Variants in ACTR3C observed in about 807,000 individuals in gnomAD.
ACTR3C encodes actin related protein 3C.
ACTR3C carries 18 observed loss-of-function variants against 26.3 expected under a neutral mutation model. The ratio of observed to expected loss-of-function variants is 0.68; its 90% CI spans 0.47 to 1.01. The LOEUF (loss-of-function observed/expected upper bound fraction) is 1.01, where lower values mean the gene tolerates loss of function less well. Among genes scored for constraint, ACTR3C ranks in the 50% least tolerant of loss-of-function variants. The pLI, the probability that ACTR3C is intolerant of heterozygous loss-of-function variation, is 0.00. For synonymous variants in ACTR3C, 55 were observed against 94.5 expected, an observed-to-expected ratio of 0.58 and a Z score of 2.42; for missense variants, 184 against 250.7, an observed-to-expected ratio of 0.73 and a Z score of 1.80.
At chr7:150,242,536 T>C (rs1183414534), downstream of ACTR3C, among the ~76,000 whole-genome samples, 1 of 151,890 alleles carries the variant, frequency 6.6e-6, no homozygotes, top group Non-Finnish European at 1.5e-5. Context: ...TAAATTACAC[T>C]ACAATAAAAT....
At chr7:150,003,768 G>C in the ACTR3C span, among the ~76,000 whole-genome samples, 1 of 152,190 alleles carries the variant, frequency 6.6e-6, no homozygotes, top group Admixed American at 6.5e-5. Context: ...GGTGTACAGT[G>C]TCTGTGGGTG....
downstream of ACTR3C, chr7:150,245,897 TC>T (rs1324588471): frequency 3.9e-5 from 6 of 152,334 alleles, no homozygotes; most frequent in East Asian, 1.2e-3. Context: ...GAAGAATGGT[TC>T]AAGTTATTTC....
the ACTR3C span, among the ~76,000 whole-genome samples, chr7:150,103,523 G>A: frequency 0.45 from 68,144 of 151,282 alleles, 15,734 homozygotes; most frequent in East Asian, 0.61. Flanking sequence ...GGAGGACCAC[G>A]CCATGATTTC....
the ACTR3C span, among the ~76,000 whole-genome samples, chr7:150,184,684 A>T: frequency 8.0e-5 from 12 of 150,556 alleles, 2 homozygotes; most frequent in African/African-American, 3.0e-4. Flanking sequence ...CTGAATAACT[A>T]TCATTTAGAA....
chr7:150,139,609 C>T, the ACTR3C span, among the ~76,000 whole-genome samples: 8 of 152,412 alleles, frequency 5.2e-5, no homozygotes, highest in African/African-American at 1.2e-4. Context: ...TTAAAAATAG[C>T]TCAGAGCAAT....
the ACTR3C span, among the ~76,000 whole-genome samples, chr7:150,182,001 A>T: frequency 1.3e-5 from 2 of 150,700 alleles, no homozygotes; most frequent in East Asian, 3.9e-4. Flanking sequence ...TAGAATGGAC[A>T]CAAAAAGGGA....
chr7:150,010,610 C>T, the ACTR3C span, among the ~76,000 whole-genome samples: 1 of 149,852 alleles, frequency 6.7e-6, no homozygotes, highest in East Asian at 2.0e-4. Flanking sequence ...AGGAGAATCG[C>T]TTGAACCTGG....
At chr7:149,963,601 A>G in the ACTR3C span, among the ~76,000 whole-genome samples, 4 of 152,194 alleles carry the variant, frequency 2.6e-5, no homozygotes, top group Non-Finnish European at 4.4e-5. Flanking sequence ...AGAACAACAG[A>G]AACACAGTAT....
chr7:150,039,759 A>C, the ACTR3C span, among the ~76,000 whole-genome samples: 1 of 131,412 alleles, frequency 7.6e-6, no homozygotes, highest in African/African-American at 2.7e-5. Context: ...CCCTCCTGCG[A>C]TGGGGGTCCC....
chr7:150,003,652 T>C, the ACTR3C span, among the ~76,000 whole-genome samples: 1 of 152,066 alleles, frequency 6.6e-6, no homozygotes, highest in African/African-American at 2.4e-5. Context: ...GTGTGGGGTT[T>C]GGAGTGTGTG....
chr7:150,075,752 G>A, the ACTR3C span, among the ~76,000 whole-genome samples: 1 of 152,064 alleles, frequency 6.6e-6, no homozygotes, highest in African/African-American at 2.4e-5. Flanking sequence ...TTTGACCCTG[G>A]CAAATTCCAG....
chr7:150,266,771 G>A (rs982714224), intron 6 of ACTR3C, among the ~76,000 whole-genome samples: 2 of 152,132 alleles, frequency 1.3e-5, no homozygotes, highest in Non-Finnish European at 2.9e-5. Flanking sequence ...GATTCAAATG[G>A]ACATTTCACA....
At chr7:150,051,809 T>A in the ACTR3C span, among the ~76,000 whole-genome samples, 3 of 151,722 alleles carry the variant, frequency 2.0e-5, no homozygotes, top group Non-Finnish European at 4.4e-5. Context: ...TAGTCATTTT[T>A]AAAATGACAA....
the ACTR3C span, among the ~76,000 whole-genome samples, chr7:150,198,035 G>A: frequency 4.6e-5 from 7 of 151,388 alleles, 1 homozygote; most frequent in African/African-American, 1.5e-4. Context: ...TGGTGGAGAC[G>A]GGGTTTCGCT....
the ACTR3C span, among the ~76,000 whole-genome samples, chr7:149,995,135 A>G: frequency 2.6e-5 from 4 of 152,246 alleles, no homozygotes; most frequent in Non-Finnish European, 5.9e-5. Flanking sequence ...GATTACAGGC[A>G]TGAGCCACTG....
chr7:149,922,000 G>A, the ACTR3C span, among the ~76,000 whole-genome samples: 1 of 150,042 alleles, frequency 6.7e-6, no homozygotes, highest in Non-Finnish European at 1.5e-5. Flanking sequence ...GTCCCATGAT[G>A]GGTCCTTTCT....
intron 1 of ACTR3C, among the ~76,000 whole-genome samples, chr7:150,316,391 T>C (rs1290187277): frequency 6.6e-6 from 1 of 152,168 alleles, no homozygotes; most frequent in East Asian, 1.9e-4. Flanking sequence ...TGTCAGGGCT[T>C]GTTCCTACCA....
the ACTR3C span, among the ~76,000 whole-genome samples, chr7:149,906,412 C>CTTTTTTTT: frequency 6.9e-5 from 5 of 72,100 alleles, no homozygotes; most frequent in Non-Finnish European, 7.9e-5. Flanking sequence ...GGGTTTGTTT[C>CTTTTTTTT]TTTTTTTTTT....
At chr7:150,194,564 T>C in the ACTR3C span, among the ~76,000 whole-genome samples, 1 of 152,056 alleles carries the variant, frequency 6.6e-6, no homozygotes, top group Non-Finnish European at 1.5e-5. Context: ...TCACACTTAA[T>C]ATTACAGTTG....
Sources: allele counts gnomAD v4.1 joint callset (sites outside exome capture counted in the v4.1 genomes callset), GRCh38; gene constraint gnomAD v4.1.1; transcripts MANE v1.5; gene names NCBI Gene and HGNC (gene_info 2026-07-23, HGNC 2026-07-21).